VSTM2B: variants seen among roughly 807,000 people sequenced by gnomAD.
VSTM2B encodes V-set and transmembrane domain-containing protein 2B.
A neutral mutation model predicts 24.0 loss-of-function variants in VSTM2B; 24 were observed. The ratio of observed to expected loss-of-function variants is 1.00; its 90% CI spans 0.72 to 1.40. The LOEUF is 1.40. Among genes scored for constraint, VSTM2B ranks in the 40% most tolerant of loss-of-function variants. The pLI is 0.00. For missense variants in VSTM2B, 399 were observed against 416.4 expected, an observed-to-expected ratio of 0.96 and a Z score of 0.36; for synonymous variants, 226 against 194.4, an observed-to-expected ratio of 1.16 and a Z score of -1.35.
At chr19:29,543,461 C>G (rs757441744) in intron 4 of VSTM2B, among the ~76,000 whole-genome samples, 1 of 152,204 alleles carries the variant, frequency 6.6e-6, no homozygotes, top group African/African-American at 2.4e-5. Context: ...GAGGTGGAAC[C>G]CAAAGGCGGA....
In VSTM2B at chr19:29,526,789, G is replaced by A; in HGVS notation, c.82+124G>A. 1 of 915,830 alleles carries A rather than the reference G, an allele frequency of 1.1e-6. No homozygotes were observed. The highest frequency in any genetic ancestry group is 1.6e-6 in the Non-Finnish European group (1 of 625,502). 56.7% of individuals were successfully genotyped at this position (915,830 alleles called of 1,614,324 possible). On this transcript the variant is annotated intron_variant, in intron 1 of 4. Transcript: ENST00000335523. The surrounding 1 kb of genome is among the most constrained non-coding windows in gnomAD (Gnocchi z 4.1). The stretch of plus-strand genomic sequence containing the variant: ...CGGTCTCCAGCAATCCCGCTGTGCA[G>A]CCTGGGCCCGGAGGGGTAGGGAGAG...
chr19:29,527,175 A>T, intron 1 of VSTM2B, 36 bp from the exon 2 acceptor site: 1 of 1,531,132 alleles, frequency 6.5e-7, no homozygotes, highest in South Asian at 1.2e-5. Context: ...CCCGACCTAC[A>T]GCTGGTCACG....
intron 4 of VSTM2B, among the ~76,000 whole-genome samples, chr19:29,553,366 G>C (rs1970329831): frequency 6.6e-6 from 1 of 152,200 alleles, no homozygotes; most frequent in Non-Finnish European, 1.5e-5. Context: ...CAGAAGCGGG[G>C]CCTGACTGTT....
At chr19:29,530,849 G>T (rs1448315236) in intron 4 of VSTM2B, among the ~76,000 whole-genome samples, 1 of 152,144 alleles carries the variant, frequency 6.6e-6, no homozygotes, top group African/African-American at 2.4e-5. Flanking sequence ...CTAGGCAGCA[G>T]CTCTGCACTC....
intron 4 of VSTM2B, 50 bp from the exon 5 acceptor site, chr19:29,563,796 G>C (rs1354854691): frequency 6.6e-7 from 1 of 1,512,030 alleles, no homozygotes; most frequent in African/African-American, 1.4e-5. Context: ...TGAGCTCCTA[G>C]GTTCTTGAGA....
At position 29,527,381 on chromosome 19, in the gene VSTM2B, G is replaced by A. The variant is rs1969607217; in HGVS notation, c.253G>A (p.Gly85Ser). 1.3e-6 allele frequency: 2 copies of A among 1,539,100 alleles called. No individual in the cohort carries two copies. The highest frequency in any genetic ancestry group is 2.4e-5 in the South Asian group (2 of 82,930). The stretch of plus-strand genomic sequence containing the variant: ...GCACGAGCTGGCGCTCAGCGTGCCG[G>A]GCGCCCGGAGCAAGGTAACCCGCCG... ...LLHELALSVP[G>S]ARSKVTNKDA... The change falls in exon 2 of 5, where the codon GGC (glycine) becomes AGC (serine). Residue 85 changes from glycine to serine, a missense_variant. Physicochemically the swap from Gly to Ser is moderately conservative, Grantham distance 56. Coordinates refer to ENST00000335523, the MANE Select transcript of VSTM2B (RefSeq NM_001146339.2).
intron 4 of VSTM2B, among the ~76,000 whole-genome samples, chr19:29,546,677 C>A (rs929069214): frequency 4.7e-5 from 7 of 150,098 alleles, no homozygotes; most frequent in African/African-American, 1.5e-4. Context: ...GGAGCCCCCA[C>A]CCCCACCCCG....
At chr19:29,542,628 T>C (rs1271342270) in intron 4 of VSTM2B, among the ~76,000 whole-genome samples, 1 of 151,748 alleles carries the variant, frequency 6.6e-6, no homozygotes, top group Non-Finnish European at 1.5e-5. Flanking sequence ...AGATTGGGAA[T>C]GAGTGGAAAA....
intron 4 of VSTM2B, among the ~76,000 whole-genome samples, chr19:29,563,125 C>T (rs1055529291): frequency 1.8e-4 from 27 of 152,014 alleles, no homozygotes; most frequent in African/African-American, 6.3e-4. Context: ...GAGGGGATGC[C>T]GGGATGCACA....
Position 29,564,044 on chromosome 19 carries a change from A to G in VSTM2B, c.*110A>G. ...AGAGAGACTGAGAGACGCATGAAAA[A>G]GTCCACATGGAAAATAAATAAATCA... On this transcript the variant is annotated 3_prime_UTR_variant, in exon 5 of 5. Transcript: ENST00000335523. 1 of 803,158 alleles carries G rather than the reference A, an allele frequency of 1.2e-6. No homozygotes were observed. The highest frequency in any genetic ancestry group is 2.0e-6 in the Non-Finnish European group (1 of 494,386). 49.8% of individuals were successfully genotyped at this position (803,158 alleles called of 1,614,324 possible). A position where few individuals can be genotyped will look rare whatever the true frequency, so the allele number is the denominator to read the frequency against.
In VSTM2B at chr19:29,527,400, C is replaced by G. The variant is rs1599872812; in HGVS notation, c.267+5C>G. On this transcript the variant is annotated splice_donor_5th_base_variant and intron_variant, in intron 2 of 4. Transcript: ENST00000335523. ...GTGCCGGGCGCCCGGAGCAAGGTAACCCGCCGCCCACGCGGTACCGGCGCG... is the reference window on the plus strand; with the variant it reads ...GTGCCGGGCGCCCGGAGCAAGGTAAGCCGCCGCCCACGCGGTACCGGCGCG... 2.6e-6 allele frequency: 4 copies of G among 1,518,974 alleles called. No individual in the cohort carries two copies. In the East Asian group the frequency reaches 7.7e-5, roughly 29 times the overall value. The allele number at this position is 1,518,974 out of a possible 1,614,324, so 94.1% of individuals were successfully genotyped here.
intron 4 of VSTM2B, among the ~76,000 whole-genome samples, chr19:29,535,559 C>G (rs1298904317): frequency 6.6e-6 from 1 of 152,138 alleles, no homozygotes; most frequent in Non-Finnish European, 1.5e-5. Flanking sequence ...GAAAGACAGC[C>G]AAGGCCATGG....
chr19:29,561,934 C>T (rs547960447), intron 4 of VSTM2B, among the ~76,000 whole-genome samples: 26 of 152,232 alleles, frequency 1.7e-4, no homozygotes, highest in Non-Finnish European at 7.3e-5. Context: ...CCAGCCTGAG[C>T]TGTGCTGCAG....
At chr19:29,540,766 G>A (rs1056794902) in intron 4 of VSTM2B, among the ~76,000 whole-genome samples, 1 of 152,214 alleles carries the variant, frequency 6.6e-6, no homozygotes, top group African/African-American at 2.4e-5. Context: ...CTGAGAAAGT[G>A]ACAGAGGAAG....
At chr19:29,562,816 C>CG (rs775642364) in intron 4 of VSTM2B, among the ~76,000 whole-genome samples, 8 of 152,208 alleles carry the variant, frequency 5.3e-5, no homozygotes, top group South Asian at 2.1e-4. Context: ...GGGAGCCAGG[C>CG]GGGGGACCAA....
rs1969747961 is a variant in VSTM2B at position 29,531,109 on chromosome 19, G to A, written c.769+819G>A. 2.7e-5 allele frequency among the ~76,000 whole-genome samples: 4 copies of A among 150,774 alleles called. No individual in the cohort carries two copies. In the South Asian group the frequency reaches 8.4e-4, roughly 32 times the overall value. On this transcript the variant is annotated intron_variant, in intron 4 of 4. Coordinates refer to ENST00000335523, the MANE Select transcript of VSTM2B (RefSeq NM_001146339.2). ...GCCATTGGCAGAGGCAGGGGTGGGG[G>A]CGGTGGGGGGCGGTTATGGAGGGTA... is the stretch of plus-strand genomic sequence containing the variant.
At chr19:29,546,470 T>C (rs1483977722) in intron 4 of VSTM2B, among the ~76,000 whole-genome samples, 1 of 152,226 alleles carries the variant, frequency 6.6e-6, no homozygotes, top group East Asian at 1.9e-4. Context: ...GGGAAAGTGG[T>C]TTCTACCTCC....
At chr19:29,560,417 G>A (rs756495094) in intron 4 of VSTM2B, among the ~76,000 whole-genome samples, 28 of 152,174 alleles carry the variant, frequency 1.8e-4, no homozygotes, top group Non-Finnish European at 2.9e-4. Flanking sequence ...GCTGGAAACA[G>A]GACTAGGCTT....
chr19:29,530,036 G>A lies in VSTM2B; in HGVS notation c.515G>A (p.Arg172His). The A allele has an allele frequency of 6.5e-7, 1 of 1,527,984 alleles. No homozygotes were observed. Among genetic ancestry groups the A allele is most frequent in the Non-Finnish European group, 8.7e-7 (1 of 1,142,886 alleles). 94.7% of individuals were successfully genotyped at this position (1,527,984 alleles called of 1,614,324 possible). The change falls in exon 4 of 5, where the codon CGT (arginine) becomes CAT (histidine). Residue 172 changes from arginine (R) to histidine (H), a missense_variant. Transcript: ENST00000335523. The stretch of plus-strand genomic sequence containing the variant: ...TCCCACATCCAGAGCAGCGGCCCGC[G>A]TCGCCACGGCCCAGCCAGCGCCGCC... ...AVSHIQSSGP[R>H]RHGPASAANA...
Sources: gnomAD v4.1 joint callset for allele counts (sites outside exome capture counted in the v4.1 genomes callset) on GRCh38, gnomAD v4.1.1 for gene constraint, Gnocchi (gnomAD v3.1) non-coding constraint, MANE v1.5 for transcripts, NCBI Gene and HGNC (gene_info 2026-07-23, HGNC 2026-07-21) for gene names.